Variants in SEC22A observed in about 807,000 individuals in gnomAD.
The protein encoded by SEC22A is SEC22 homolog A, vesicle trafficking protein, also known as vesicle-trafficking protein SEC22a.
A neutral mutation model predicts 35.3 loss-of-function variants in SEC22A; 22 were observed. The observed-to-expected ratio is 0.62, with a 90% confidence interval of 0.45 to 0.89. The LOEUF (loss-of-function observed/expected upper bound fraction) is 0.89. Among genes scored for constraint, SEC22A ranks in the 40% least tolerant of loss-of-function variants. SEC22A has a pLI of 0.00. For missense variants in SEC22A, 354 were observed against 362.5 expected, an observed-to-expected ratio of 0.98 and a Z score of 0.19; for synonymous variants, 119 against 129.5, an observed-to-expected ratio of 0.92 and a Z score of 0.55.
At chr3:123,253,615 G>A (rs1268977619) in intron 5 of SEC22A, among the ~76,000 whole-genome samples, 2 of 152,038 alleles carry the variant, frequency 1.3e-5, no homozygotes, top group Non-Finnish European at 2.9e-5. Context: ...CGCAGGCTGA[G>A]GCAGGAGAAT....
intron 4 of SEC22A, among the ~76,000 whole-genome samples, chr3:123,230,665 G>GT (rs367738490): frequency 7.6e-4 from 62 of 81,992 alleles, no homozygotes; most frequent in African/African-American, 3.1e-3. Context: ...AATTATTAAA[G>GT]TAAAATACCG....
intron 1 of SEC22A, among the ~76,000 whole-genome samples, chr3:123,205,833 C>A (rs1252110504): frequency 6.6e-6 from 1 of 152,168 alleles, no homozygotes; most frequent in Admixed American, 6.5e-5. Flanking sequence ...AGTGATGTTT[C>A]TTGATGGTAG....
chr3:123,233,927 T>C (rs898138084), intron 4 of SEC22A, among the ~76,000 whole-genome samples: 2 of 152,186 alleles, frequency 1.3e-5, no homozygotes, highest in Admixed American at 6.5e-5. Flanking sequence ...CATTCACATA[T>C]GACGTAATCT....
intron 2 of SEC22A, among the ~76,000 whole-genome samples, chr3:123,218,091 G>T (rs1244427980): frequency 6.6e-6 from 1 of 152,114 alleles, no homozygotes; most frequent in Non-Finnish European, 1.5e-5. Flanking sequence ...TCATTTTGTT[G>T]AACATAGGAA....
rs1481532985 is a variant in SEC22A at position 123,225,279 on chromosome 3, G to A, written c.523G>A (p.Ala175Thr). 2.5e-6 allele frequency: 4 copies of A among 1,606,280 alleles called. No individual in the cohort carries two copies. The stretch of plus-strand genomic sequence containing the variant: ...AGCATTTTCTGTTGACTGTAAAGGT[G>A]CTGGTAAGATTTCTTCTGGTGAGTT... ...TSAFSVDCKG[A>T]GKISSAHQRL... The change falls in exon 4 of 7, where the codon GCT (alanine) becomes ACT (threonine). Residue 175 changes from alanine to threonine, a missense_variant. Transcript: ENST00000492595.
intron 2 of SEC22A, 22 bp from the exon 3 acceptor site, chr3:123,223,537 A>G (rs751016539): frequency 6.2e-7 from 1 of 1,603,238 alleles, no homozygotes; most frequent in Non-Finnish European, 8.5e-7. Context: ...AAATTTTAAA[A>G]CCAATGTTTT....
chr3:123,260,695 A>C (rs1411520719), intron 6 of SEC22A, among the ~76,000 whole-genome samples: 1 of 152,234 alleles, frequency 6.6e-6, no homozygotes, highest in East Asian at 1.9e-4. Flanking sequence ...GTTAAGAGTC[A>C]GAACTGCAAA....
chr3:123,235,251 C>T (rs1245836707), intron 4 of SEC22A, among the ~76,000 whole-genome samples: 1 of 152,062 alleles, frequency 6.6e-6, no homozygotes, highest in African/African-American at 2.4e-5. Context: ...AGGCAACCGA[C>T]ACAATGGGAG....
intron 4 of SEC22A, among the ~76,000 whole-genome samples, chr3:123,226,938 A>T (rs1937226934): frequency 6.6e-6 from 1 of 152,228 alleles, no homozygotes; most frequent in African/African-American, 2.4e-5. Context: ...TTTTCTAGAA[A>T]TGAAAAATAG....
intron 4 of SEC22A, among the ~76,000 whole-genome samples, chr3:123,245,080 T>G (rs1937555605): frequency 6.6e-6 from 1 of 152,166 alleles, no homozygotes; most frequent in Admixed American, 6.6e-5. Flanking sequence ...AAGACTCCAT[T>G]CTGTTTTGGA....
At chr3:123,266,460 C>A (rs1029976055) in intron 6 of SEC22A, among the ~76,000 whole-genome samples, 1 of 152,054 alleles carries the variant, frequency 6.6e-6, no homozygotes, top group Non-Finnish European at 1.5e-5. Context: ...TAGCTGTATT[C>A]CATAAATTTT....
chr3:123,242,726 G>GA (rs1420440603), intron 4 of SEC22A, among the ~76,000 whole-genome samples: 1 of 152,118 alleles, frequency 6.6e-6, no homozygotes, highest in Non-Finnish European at 1.5e-5. Context: ...CTGACTTATA[G>GA]AAAATAATTT....
intron 4 of SEC22A, among the ~76,000 whole-genome samples, chr3:123,233,598 G>T (rs1355616323): frequency 6.6e-6 from 1 of 151,692 alleles, no homozygotes; most frequent in Non-Finnish European, 1.5e-5. Flanking sequence ...CTCAATACAT[G>T]CAGAAAAAGC....
chr3:123,271,584 A>C lies in SEC22A; in HGVS notation c.786A>C (p.Leu262Phe). 1 of 1,614,140 alleles carries C rather than the reference A, an allele frequency of 6.2e-7. No homozygotes were observed. Among genetic ancestry groups the C allele is most frequent in the Non-Finnish European group, 8.5e-7 (1 of 1,180,004 alleles). Residue 262 changes from leucine (L) to phenylalanine (F), a missense_variant, in exon 7 of 7, where the codon TTA becomes TTC. By Grantham distance (22) the Leu-to-Phe change is conservative. Transcript: ENST00000492595. ...TCAAATCTTTTTTGACTTTTGGCTT[A>C]ATCTGTCTATGCAACATGTATCTCT... ...RNVKSFLTFG[L>F]ICLCNMYLYE...
intron 5 of SEC22A, among the ~76,000 whole-genome samples, chr3:123,250,643 G>A (rs1044613430): frequency 3.4e-4 from 51 of 152,136 alleles, no homozygotes; most frequent in Non-Finnish European, 6.2e-4. Flanking sequence ...AGCCATAATG[G>A]AGCCTGAAAT....
At chr3:123,264,151 C>G (rs1937966210) in intron 6 of SEC22A, among the ~76,000 whole-genome samples, 1 of 152,126 alleles carries the variant, frequency 6.6e-6, no homozygotes, top group Admixed American at 6.5e-5. Context: ...TTAAGCAATC[C>G]TCCCACCTCA....
intron 4 of SEC22A, among the ~76,000 whole-genome samples, chr3:123,241,356 C>T (rs959742217): frequency 1.3e-5 from 2 of 152,108 alleles, no homozygotes; most frequent in African/African-American, 2.4e-5. Context: ...TTCAGTCACA[C>T]TTCAGTAATA....
intron 2 of SEC22A, among the ~76,000 whole-genome samples, chr3:123,212,547 T>A (rs1217727381): frequency 6.6e-6 from 1 of 152,160 alleles, no homozygotes; most frequent in African/African-American, 2.4e-5. Flanking sequence ...TTTTTTCTTT[T>A]GACTCTCTTT....
intron 4 of SEC22A, among the ~76,000 whole-genome samples, chr3:123,226,291 A>C (rs551072672): frequency 1.3e-5 from 2 of 152,180 alleles, no homozygotes; most frequent in Admixed American, 6.5e-5. Flanking sequence ...TGTTCTCCAT[A>C]GTGGTTGTAC....
Sources: allele counts gnomAD v4.1 joint callset (sites outside exome capture counted in the v4.1 genomes callset), GRCh38; gene constraint gnomAD v4.1.1; transcripts MANE v1.5; gene names NCBI Gene and HGNC (gene_info 2026-07-23, HGNC 2026-07-21).